The following MAGI1 variants were observed in gnomAD, a reference collection of about 807,000 sequenced individuals.
MAGI1 encodes the protein membrane-associated guanylate kinase, WW and PDZ domain-containing protein 1.
In MAGI1, 58 loss-of-function variants were observed where a neutral mutation model predicts 139.9. The ratio of observed to expected loss-of-function variants is 0.41; its 90% CI spans 0.34 to 0.52. The LOEUF (loss-of-function observed/expected upper bound fraction) is 0.52, where lower values mean the gene tolerates loss of function less well. MAGI1 is among the 20% of genes least tolerant of loss of function. MAGI1 has a pLI of 0.12. For missense variants in MAGI1, 1,874 were observed against 1,901.6 expected, an observed-to-expected ratio of 0.99 and a Z score of 0.27; for synonymous variants, 812 against 737.9, an observed-to-expected ratio of 1.10 and a Z score of -1.63.
rs2107454378 is a variant in MAGI1, at chr3:65,669,747, C to G, written c.314-47659G>C. Among the ~76,000 whole-genome samples the G allele has an allele frequency of 2.0e-5, 3 of 152,290 alleles. No homozygotes were observed. The Middle Eastern group carries it at 0.01, about 518-fold the overall frequency. On this transcript the variant is annotated intron_variant, in intron 1 of 22. Transcript: ENST00000402939. ...AGCTCTGCTCTTGTCTGCAGCTGAT[C>G]TAGGTGCAATGGTTTTGGCACCTAT... is the stretch of plus-strand genomic sequence containing the variant.
rs1559642669 is a variant in MAGI1 at position 65,530,741 on chromosome 3, G to GTATATATATATA, written c.431-37111_431-37110insTATATATATATA. Among the ~76,000 whole-genome samples the GTATATATATATA allele has an allele frequency of 9.8e-4, 101 of 103,042 alleles. 23 individuals are homozygous for GTATATATATATA. The highest frequency in any genetic ancestry group is 9.1e-3 in the East Asian group (31 of 3,406). 67.6% of individuals were successfully genotyped at this position (103,042 alleles called of 152,430 possible). ...TATATATACACACGTATATATATAT[G>GTATATATATATA]CACATATATATACACGTATATATAT... On this transcript the variant is annotated intron_variant, in intron 2 of 22. Transcript: ENST00000402939.
At chr3:65,369,438 C>A (rs1941763839) in intron 18 of MAGI1, among the ~76,000 whole-genome samples, 1 of 151,984 alleles carries the variant, frequency 6.6e-6, no homozygotes, top group Non-Finnish European at 1.5e-5. Flanking sequence ...GACTCACGCA[C>A]TGCACAAAGG....
intron 1 of MAGI1, among the ~76,000 whole-genome samples, chr3:65,891,888 A>G (rs1559983579): frequency 1.2e-3 from 1 of 810 alleles, no homozygotes. Flanking sequence ...AAAGTATAAT[A>G]TATATATATA....
At position 65,844,191 on chromosome 3, in the gene MAGI1, A is replaced by G. The variant is rs141711836; in HGVS notation, c.313+193805T>C. On this transcript the variant is annotated intron_variant, in intron 1 of 22. Coordinates refer to ENST00000402939, the MANE Select transcript of MAGI1 (RefSeq NM_001033057.2). ...CACATGTGTAAAAATGCAGAGAGTC[A>G]TGCTGAACTTAAGAGTTTGGATATA... 4.1e-4 allele frequency: 209 copies of G among 511,262 alleles called. 1 individual carries two copies. The East Asian group carries it at 8.5e-3, about 21-fold the overall frequency. 31.7% of individuals were successfully genotyped at this position (511,262 alleles called of 1,614,324 possible).
chr3:65,673,335 C>G (rs754213999), intron 1 of MAGI1, among the ~76,000 whole-genome samples: 2 of 152,210 alleles, frequency 1.3e-5, no homozygotes, highest in Non-Finnish European at 2.9e-5. Context: ...TTATCTTAAA[C>G]TTTTATATGA....
intron 3 of MAGI1, among the ~76,000 whole-genome samples, chr3:65,486,216 C>A (rs1036777522): frequency 6.6e-6 from 1 of 152,180 alleles, no homozygotes; most frequent in South Asian, 2.1e-4. Flanking sequence ...TGCTGACATC[C>A]TCTTCCTAAT....
chr3:65,419,479 T>C (rs1056902744), intron 12 of MAGI1, among the ~76,000 whole-genome samples: 9 of 152,188 alleles, frequency 5.9e-5, no homozygotes, highest in African/African-American at 1.2e-4. Context: ...CCACAGTTTA[T>C]AGAATACTCA....
intron 1 of MAGI1, among the ~76,000 whole-genome samples, chr3:65,692,700 C>A (rs781215237): frequency 6.6e-6 from 1 of 152,086 alleles, no homozygotes; most frequent in Non-Finnish European, 1.5e-5. Context: ...AGGGCTCTGT[C>A]CTCATGAATG....
At chr3:65,844,392 GA>G in intron 1 of MAGI1, 4 of 342,064 alleles carry the variant, frequency 1.2e-5, no homozygotes, top group East Asian at 8.5e-5. Context: ...TTACTCAGAA[GA>G]AAAGGATATC....
chr3:65,623,239 T>C (rs1476475590), intron 1 of MAGI1, among the ~76,000 whole-genome samples: 2 of 149,854 alleles, frequency 1.3e-5, no homozygotes, highest in Admixed American at 1.3e-4. Context: ...ACACTAAATG[T>C]ATGTTGCTTT....
At chr3:65,622,295 A>G (rs2083722410) in intron 1 of MAGI1, among the ~76,000 whole-genome samples, 1 of 152,218 alleles carries the variant, frequency 6.6e-6, no homozygotes. Flanking sequence ...GCAATGCATT[A>G]ATTTAGAGAT....
At chr3:65,357,209 G>C in intron 22 of MAGI1, 77 bp from the exon 23 acceptor site, 2 of 1,427,472 alleles carry the variant, frequency 1.4e-6, no homozygotes, top group Non-Finnish European at 1.9e-6. Flanking sequence ...ACCCACACTC[G>C]AGACCTCATT....
At chr3:65,896,357 C>T (rs938328777) in intron 1 of MAGI1, among the ~76,000 whole-genome samples, 1 of 146,598 alleles carries the variant, frequency 6.8e-6, no homozygotes, top group Non-Finnish European at 1.5e-5. Flanking sequence ...CAATCGAGGA[C>T]AATTTAGTTA....
At chr3:66,019,789 C>A (rs1420633316) in intron 1 of MAGI1, among the ~76,000 whole-genome samples, 1 of 152,144 alleles carries the variant, frequency 6.6e-6, no homozygotes, top group African/African-American at 2.4e-5. Context: ...TCCCATGGCA[C>A]CTGTCCAATT....
intron 2 of MAGI1, among the ~76,000 whole-genome samples, chr3:65,530,822 CGTATATATATATATAT>C (rs1559643240): frequency 0.035 from 1,498 of 43,138 alleles, 117 homozygotes; most frequent in Middle Eastern, 0.066. Context: ...TATATATACA[CGTATATATATATATAT>C]ACACACACAC....
At chr3:65,436,785 G>A (rs1178833882) in intron 10 of MAGI1, among the ~76,000 whole-genome samples, 1 of 151,984 alleles carries the variant, frequency 6.6e-6, no homozygotes, top group Non-Finnish European at 1.5e-5. Context: ...AATGAGAGGT[G>A]GGCTGTGTGC....
chr3:65,855,975 G>C (rs1318060805), intron 1 of MAGI1, among the ~76,000 whole-genome samples: 1 of 152,054 alleles, frequency 6.6e-6, no homozygotes, highest in African/African-American at 2.4e-5. Context: ...CTCTTCCAGA[G>C]CTTACTGTGT....
intron 1 of MAGI1, among the ~76,000 whole-genome samples, chr3:66,037,002 C>A (rs1445023446): frequency 2.0e-5 from 3 of 152,126 alleles, no homozygotes; most frequent in Admixed American, 2.0e-4. Flanking sequence ...AATTTGCTTC[C>A]ACTCCCTCCT....
intron 2 of MAGI1, among the ~76,000 whole-genome samples, chr3:65,526,720 C>T (rs2078397414): frequency 6.6e-6 from 1 of 152,170 alleles, no homozygotes. Context: ...GATTTCTAGG[C>T]TACCTTTTAC....
Sources: allele counts gnomAD v4.1 joint callset (sites outside exome capture counted in the v4.1 genomes callset), GRCh38; gene constraint gnomAD v4.1.1; transcripts MANE v1.5; gene names NCBI Gene and HGNC (gene_info 2026-07-23, HGNC 2026-07-21).